MITF: variants seen among roughly 807,000 people sequenced by gnomAD.
MITF encodes microphthalmia-associated transcription factor.
Under a neutral mutation model 60.5 loss-of-function variants are expected in MITF, and 17 were observed. That is an observed-to-expected ratio of 0.28 (90% CI 0.19 to 0.42). MITF has a LOEUF of 0.42. MITF is among the 10% of genes least tolerant of loss of function. The probability of loss-of-function intolerance (pLI) is 1.00; values close to 1 mark genes in which losing one functional copy is unlikely to be tolerated. For missense variants in MITF, 622 were observed against 683.5 expected (o/e 0.91, Z 1.00); for synonymous variants, 260 against 248.5 (o/e 1.05, Z -0.43).
At chr3:69,748,010 T>G (rs1426007461) in intron 1 of MITF, among the ~76,000 whole-genome samples, 2 of 149,038 alleles carry the variant, frequency 1.3e-5, no homozygotes, top group Admixed American at 1.3e-4. Flanking sequence ...AGTCCTGTGT[T>G]TCTGTCCTGA....
At chr3:69,810,805 C>T (rs918411082) in intron 1 of MITF, among the ~76,000 whole-genome samples, 1 of 152,090 alleles carries the variant, frequency 6.6e-6, no homozygotes, top group Non-Finnish European at 1.5e-5. Flanking sequence ...CTGGAAATGA[C>T]AGAGAACAAA....
At chr3:69,759,601 A>G (rs979916391) in intron 1 of MITF, among the ~76,000 whole-genome samples, 1 of 152,240 alleles carries the variant, frequency 6.6e-6, no homozygotes, top group Non-Finnish European at 1.5e-5. Flanking sequence ...TGGAGAATCC[A>G]TGAATAATGA....
intron 1 of MITF, among the ~76,000 whole-genome samples, chr3:69,837,008 A>T (rs367874485): frequency 1.8e-3 from 277 of 152,248 alleles, no homozygotes; most frequent in African/African-American, 6.4e-3. Context: ...GACGTCCCCA[A>T]TGTGGACCAC....
chr3:69,944,976 C>T (rs1326863052), intron 5 of MITF, among the ~76,000 whole-genome samples: 7 of 151,874 alleles, frequency 4.6e-5, no homozygotes, highest in Admixed American at 2.6e-4. Flanking sequence ...TGCTTTATTT[C>T]AAGTTAACTA....
In MITF at chr3:69,966,189, T is replaced by C. The variant is rs61411327; in HGVS notation, c.*941T>C. ...TTTGATTTGTACAGATTCTTTATTATCATTGTTCTTTTCAATATATTTGTA... is the reference window on the plus strand; with the variant it reads ...TTTGATTTGTACAGATTCTTTATTACCATTGTTCTTTTCAATATATTTGTA... On this transcript the variant is annotated 3_prime_UTR_variant, in exon 10 of 10. Coordinates refer to ENST00000352241, the MANE Select transcript of MITF (RefSeq NM_001354604.2). The C allele has an allele frequency of 8.6e-6, 2 of 232,836 alleles. No homozygotes were observed. The highest frequency in any genetic ancestry group is 4.4e-5 in the African/African-American group (2 of 45,434). 14.4% of individuals were successfully genotyped at this position (232,836 alleles called of 1,614,324 possible). A position where few individuals can be genotyped will look rare whatever the true frequency, so the allele number is the denominator to read the frequency against.
At chr3:69,807,017 T>C (rs2063020655) in intron 1 of MITF, among the ~76,000 whole-genome samples, 1 of 152,220 alleles carries the variant, frequency 6.6e-6, no homozygotes, top group Non-Finnish European at 1.5e-5. Flanking sequence ...AAGATTCTTA[T>C]CTTGGCTGCG....
chr3:69,758,092 A>G (rs1268054672), intron 1 of MITF, among the ~76,000 whole-genome samples: 1 of 143,064 alleles, frequency 7.0e-6, no homozygotes, highest in Non-Finnish European at 1.5e-5. Context: ...ATATATAAAT[A>G]TATATATATA....
intron 2 of MITF, among the ~76,000 whole-genome samples, chr3:69,881,288 C>T (rs1481104790): frequency 6.6e-6 from 1 of 152,028 alleles, no homozygotes; most frequent in African/African-American, 2.4e-5. Flanking sequence ...CTCTTTCACT[C>T]TGAATATAGT....
At position 69,949,035 on chromosome 3, in the gene MITF, G is replaced by A. The variant is rs548789546; in HGVS notation, c.763-16G>A. ...TGTTCAACAGTTAATTTCTGTTACT[G>A]TTTGTCTCTCTCTAGTTGCCTGTCT... On this transcript the variant is annotated splice_polypyrimidine_tract_variant and intron_variant, in intron 5 of 9. Transcript: ENST00000352241. 2.5e-6 allele frequency: 4 copies of A among 1,570,306 alleles called. No homozygotes were observed. Among genetic ancestry groups the A allele is most frequent in the South Asian group, 1.1e-5 (1 of 90,106 alleles).
intron 1 of MITF, among the ~76,000 whole-genome samples, chr3:69,748,534 C>T (rs1703815184): frequency 6.6e-6 from 1 of 152,152 alleles, no homozygotes; most frequent in African/African-American, 2.4e-5. Flanking sequence ...AGCCACCATG[C>T]CCGGCCAGAG....
intron 1 of MITF, among the ~76,000 whole-genome samples, chr3:69,779,647 T>G (rs1398463184): frequency 4.6e-5 from 7 of 152,066 alleles, no homozygotes; most frequent in African/African-American, 1.7e-4. Flanking sequence ...GACTTAAAAA[T>G]TCACGGAAAC....
intron 2 of MITF, among the ~76,000 whole-genome samples, chr3:69,935,320 A>T (rs1231717297): frequency 6.6e-6 from 1 of 152,222 alleles, no homozygotes; most frequent in Non-Finnish European, 1.5e-5. Context: ...TAGAAAGCAA[A>T]TTGCTTCTTT....
intron 1 of MITF, among the ~76,000 whole-genome samples, chr3:69,757,447 A>G (rs1704193129): frequency 6.6e-6 from 1 of 152,204 alleles, no homozygotes; most frequent in South Asian, 2.1e-4. Flanking sequence ...ACATAGAAGT[A>G]GGTGCTTTAG....
chr3:69,898,790 G>A (rs974223223), intron 2 of MITF, among the ~76,000 whole-genome samples: 1 of 152,210 alleles, frequency 6.6e-6, no homozygotes, highest in Non-Finnish European at 1.5e-5. Context: ...AGGTTTGGGA[G>A]AGTGGAGGGG....
intron 1 of MITF, among the ~76,000 whole-genome samples, chr3:69,858,892 A>G (rs1007012524): frequency 6.6e-6 from 1 of 152,116 alleles, no homozygotes; most frequent in Non-Finnish European, 1.5e-5. Flanking sequence ...TTACCTAACA[A>G]TGTTTTGAAA....
At chr3:69,794,555 C>T (rs1349569792) in intron 1 of MITF, among the ~76,000 whole-genome samples, 2 of 152,074 alleles carry the variant, frequency 1.3e-5, no homozygotes, top group East Asian at 3.9e-4. Context: ...CCTTGGTTGG[C>T]ATTTTAATCG....
intron 1 of MITF, among the ~76,000 whole-genome samples, chr3:69,783,867 G>T (rs528108412): frequency 6.6e-6 from 1 of 152,202 alleles, no homozygotes; most frequent in East Asian, 1.9e-4. Context: ...TCTGCATGTC[G>T]CTCAGCTTCT....
Position 69,929,086 on chromosome 3 carries a change from T to A in MITF, c.355-8736T>A, listed in dbSNP as rs573088568. On this transcript the variant is annotated intron_variant, in intron 2 of 9. Transcript: ENST00000352241. ...TAGGAAGACTGAGGGACTGTCACAC[T>A]TCATTTCCTCAGGACGTTTCCAGAG... Among the ~76,000 whole-genome samples, 3 of 152,280 alleles carry A rather than the reference T, an allele frequency of 2.0e-5. No individual in the cohort carries two copies. In the East Asian group the frequency reaches 5.8e-4, roughly 29 times the overall value.
rs893350130 is a variant in MITF at position 69,966,517 on chromosome 3, C to T, written c.*1269C>T. Reference sequence around the variant, plus strand: ...GAGATTGATAACCATAGCATTAATACGCCCATTATGGTCATTTAAATTGGG... The same window carrying T: ...GAGATTGATAACCATAGCATTAATATGCCCATTATGGTCATTTAAATTGGG... On this transcript the variant is annotated 3_prime_UTR_variant, in exon 10 of 10. Transcript: ENST00000352241. The T allele has an allele frequency of 2.1e-5, 5 of 232,732 alleles. No individual in the cohort carries two copies. The highest frequency in any genetic ancestry group is 5.6e-5 in the Admixed American group (1 of 17,756). The allele number at this position is 232,732 out of a possible 1,614,324, so 14.4% of individuals were successfully genotyped here. A position where few individuals can be genotyped will look rare whatever the true frequency, so the allele number is the denominator to read the frequency against.
Sources: gnomAD v4.1 joint callset for allele counts (sites outside exome capture counted in the v4.1 genomes callset) on GRCh38, gnomAD v4.1.1 for gene constraint, MANE v1.5 for transcripts, NCBI Gene and HGNC (gene_info 2026-07-23, HGNC 2026-07-21) for gene names.